Variants in GREB1L observed in about 807,000 individuals in gnomAD.
GREB1L encodes the protein GREB1-like protein.
Under a neutral mutation model 200.8 loss-of-function variants are expected in GREB1L, and 17 were observed. The ratio of observed to expected loss-of-function variants is 0.08; its 90% CI spans 0.06 to 0.13. The LOEUF is 0.13. Among genes scored for constraint, GREB1L ranks in the 10% least tolerant of loss-of-function variants. The pLI is 1.00. For synonymous variants in GREB1L, 789 were observed against 893.0 expected (o/e 0.88, Z 2.08); for missense variants, 1,657 against 2,367.7 (o/e 0.70, Z 6.23).
At chr18:21,358,766 A>G (rs2039542364) in intron 1 of GREB1L, among the ~76,000 whole-genome samples, 1 of 152,222 alleles carries the variant, frequency 6.6e-6, no homozygotes, top group African/African-American at 2.4e-5. Context: ...GGGTGCACCG[A>G]AATCGCAGAA....
Position 21,449,854 on chromosome 18 carries a change from TTTTTGTTTG to T in GREB1L, c.1720+22_1720+30del, listed in dbSNP as rs1342156998. The T allele has an allele frequency of 6.8e-7, 1 of 1,466,192 alleles. No homozygotes were observed. The highest frequency in any genetic ancestry group is 9.1e-7 in the Non-Finnish European group (1 of 1,100,528). The allele number at this position is 1,466,192 out of a possible 1,614,324, so 90.8% of individuals were successfully genotyped here. ...AGTGTTAGGTGAGTAATTTTTTTGT[TTTTTGTTTG>T]TTTAATCAATTCATTCGACCATTTT... On this transcript the variant is annotated intron_variant, in intron 12 of 32. Coordinates refer to ENST00000424526, the MANE Select transcript of GREB1L (RefSeq NM_001142966.3).
In GREB1L at chr18:21,283,430, G is replaced by A. The variant is rs574167232; in HGVS notation, c.-120+41037G>A. Among the ~76,000 whole-genome samples, 9 of 152,278 alleles carry A rather than the reference G, an allele frequency of 5.9e-5. No individual in the cohort carries two copies. The East Asian group carries it at 9.6e-4, about 16-fold the overall frequency. ...TGAAGAGGTGAAGAACCCACTTTAGGTTAGGAAGCCTGAGGTTTCTAATGC... is the reference window on the plus strand; with the variant it reads ...TGAAGAGGTGAAGAACCCACTTTAGATTAGGAAGCCTGAGGTTTCTAATGC... On this transcript the variant is annotated intron_variant, in intron 1 of 32. Transcript: ENST00000424526.
chr18:21,299,661 C>T (rs180983100), intron 1 of GREB1L, among the ~76,000 whole-genome samples: 20 of 151,926 alleles, frequency 1.3e-4, no homozygotes, highest in Non-Finnish European at 2.4e-4. Flanking sequence ...ATGTTTAAAC[C>T]GTTAGATTGT....
At chr18:21,275,789 T>C (rs374856447) in intron 1 of GREB1L, among the ~76,000 whole-genome samples, 1 of 152,242 alleles carries the variant, frequency 6.6e-6, no homozygotes, top group Non-Finnish European at 1.5e-5. Flanking sequence ...GTCCATGTCT[T>C]ATTTTGAAAA....
chr18:21,387,941 T>A (rs951433327), intron 4 of GREB1L, among the ~76,000 whole-genome samples: 6 of 152,240 alleles, frequency 3.9e-5, no homozygotes, highest in African/African-American at 1.2e-4. Flanking sequence ...GGATCCCTCA[T>A]GATATATTTT....
In GREB1L at chr18:21,400,539, T is replaced by G. The variant is rs115895315; in HGVS notation, c.533-611T>G. Among the ~76,000 whole-genome samples, 1,228 of 152,342 alleles carry G rather than the reference T, an allele frequency of 8.1e-3. 16 individuals are homozygous for G. The highest frequency in any genetic ancestry group is 0.028 in the African/African-American group (1,155 of 41,578). ...TCAGCTTCCCTTCATGGTTCTTGGTTCCCGTACCTTAGCTTACATGTGGCT... is the reference window on the plus strand; with the variant it reads ...TCAGCTTCCCTTCATGGTTCTTGGTGCCCGTACCTTAGCTTACATGTGGCT... On this transcript the variant is annotated intron_variant, in intron 5 of 32. Coordinates refer to ENST00000424526, the MANE Select transcript of GREB1L (RefSeq NM_001142966.3).
At chr18:21,492,592 T>G (rs2036385883) in intron 19 of GREB1L, among the ~76,000 whole-genome samples, 2 of 152,202 alleles carry the variant, frequency 1.3e-5, no homozygotes, top group South Asian at 4.1e-4. Context: ...TCTGGACCAC[T>G]GTTGGAAAAC....
At chr18:21,481,449 G>A (rs1352907872) in intron 17 of GREB1L, among the ~76,000 whole-genome samples, 5 of 109,596 alleles carry the variant, frequency 4.6e-5, no homozygotes, top group Non-Finnish European at 6.9e-5. Flanking sequence ...ATGTGTGTGT[G>A]TGTGTGTGTG....
rs150685073 is a variant in GREB1L, at chr18:21,472,790, G to A, written c.2183-241G>A. Among the ~76,000 whole-genome samples the A allele has an allele frequency of 4.1e-3, 622 of 152,278 alleles. 7 individuals are homozygous for A. Among genetic ancestry groups the A allele is most frequent in the African/African-American group, 0.014 (576 of 41,566 alleles). The stretch of plus-strand genomic sequence containing the variant: ...TCAGCTGCCTTTATCTCATGTACCA[G>A]AATGTTCCCTGTATTTGTGTCAGGG... On this transcript the variant is annotated intron_variant, in intron 15 of 32. Coordinates refer to ENST00000424526, the MANE Select transcript of GREB1L (RefSeq NM_001142966.3).
intron 1 of GREB1L, among the ~76,000 whole-genome samples, chr18:21,321,481 T>A (rs1371070075): frequency 6.6e-6 from 1 of 151,426 alleles, no homozygotes; most frequent in Non-Finnish European, 1.5e-5. Flanking sequence ...GGTCAGGAGT[T>A]CAAGACCAGC....
chr18:21,359,345 G>T, intron 1 of GREB1L, among the ~76,000 whole-genome samples: 1 of 152,212 alleles, frequency 6.6e-6, no homozygotes, highest in East Asian at 1.9e-4. Flanking sequence ...AGCTACTTGG[G>T]AGGCTGAGGC....
At chr18:21,488,886 A>G (rs753201141) in intron 18 of GREB1L, among the ~76,000 whole-genome samples, 5 of 152,136 alleles carry the variant, frequency 3.3e-5, no homozygotes, top group Admixed American at 6.5e-5. Context: ...CGAACTCCTG[A>G]TCTCAAGTGA....
At position 21,451,169 on chromosome 18, in the gene GREB1L, T is replaced by G. The variant is rs1419278861; in HGVS notation, c.1849+18T>G. The G allele has an allele frequency of 1.3e-6, 2 of 1,550,520 alleles. No individual in the cohort carries two copies. Among genetic ancestry groups the G allele is most frequent in the Non-Finnish European group, 1.7e-6 (2 of 1,146,168 alleles). ...ATCATTAGGTGAGTGGTTGTAAGAT[T>G]TGGCAACACTGGCAGCCCCTAGTTG... On this transcript the variant is annotated intron_variant, in intron 13 of 32. Coordinates refer to ENST00000424526, the MANE Select transcript of GREB1L (RefSeq NM_001142966.3).
chr18:21,361,966 T>A (rs2039586634), intron 1 of GREB1L, among the ~76,000 whole-genome samples: 1 of 152,298 alleles, frequency 6.6e-6, no homozygotes, highest in African/African-American at 2.4e-5. Context: ...GGAGATTACT[T>A]AGGGCCAGTG....
intron 1 of GREB1L, among the ~76,000 whole-genome samples, chr18:21,350,427 T>C (rs1164192195): frequency 1.3e-5 from 2 of 151,892 alleles, no homozygotes; most frequent in Non-Finnish European, 1.5e-5. Flanking sequence ...TTAGTAGACA[T>C]GGGGTTTCAC....
intron 5 of GREB1L, among the ~76,000 whole-genome samples, chr18:21,400,493 C>T (rs764066397): frequency 5.3e-5 from 8 of 152,186 alleles, no homozygotes; most frequent in Non-Finnish European, 1.0e-4. Context: ...CTGGCCTGTG[C>T]TCTGCTTTCC....
intron 6 of GREB1L, among the ~76,000 whole-genome samples, chr18:21,403,507 T>C (rs913452898): frequency 5.3e-5 from 8 of 152,158 alleles, no homozygotes; most frequent in Non-Finnish European, 1.0e-4. Flanking sequence ...CAATCCCAGG[T>C]AGGATGTTAA....
At chr18:21,355,978 G>T (rs2039496494) in intron 1 of GREB1L, among the ~76,000 whole-genome samples, 1 of 146,724 alleles carries the variant, frequency 6.8e-6, no homozygotes, top group African/African-American at 2.5e-5. Context: ...AAATAATTAG[G>T]CTTCTTTTTT....
At position 21,426,278 on chromosome 18, in the gene GREB1L, C is replaced by T. The variant is rs189780752; in HGVS notation, c.833-13243C>T. Among the ~76,000 whole-genome samples, 273 of 152,014 alleles carry T rather than the reference C, an allele frequency of 1.8e-3. 1 individual carries two copies. Among genetic ancestry groups the T allele is most frequent in the Non-Finnish European group, 2.1e-3 (141 of 67,952 alleles). Reference sequence around the variant, plus strand: ...TTCACCATGTTAACCAGGCTGGTCTCGAACTCCTGACCTCGTGATCCGCCT... The same window carrying T: ...TTCACCATGTTAACCAGGCTGGTCTTGAACTCCTGACCTCGTGATCCGCCT... On this transcript the variant is annotated intron_variant, in intron 7 of 32. Transcript: ENST00000424526.
Sources: gnomAD v4.1 joint callset for allele counts (sites outside exome capture counted in the v4.1 genomes callset) on GRCh38, gnomAD v4.1.1 for gene constraint, MANE v1.5 for transcripts, NCBI Gene and HGNC (gene_info 2026-07-23, HGNC 2026-07-21) for gene names.